The following LIPH variants were observed in gnomAD, a reference collection of about 807,000 sequenced individuals.
The protein encoded by LIPH is lipase member H.
Under a neutral mutation model 47.6 loss-of-function variants are expected in LIPH, and 32 were observed. The observed-to-expected ratio is 0.67, with a 90% CI of 0.51 to 0.90. The LOEUF (loss-of-function observed/expected upper bound fraction) is 0.90. Among genes scored for constraint, LIPH ranks in the 40% least tolerant of loss-of-function variants. LIPH has a pLI of 0.00. For synonymous variants in LIPH, 190 were observed against 195.6 expected (o/e 0.97, Z 0.24); for missense variants, 497 against 541.4 (o/e 0.92, Z 0.81).
intron 2 of LIPH, among the ~76,000 whole-genome samples, chr3:185,533,909 G>C (rs987128205): frequency 6.6e-6 from 1 of 152,210 alleles, no homozygotes; most frequent in Non-Finnish European, 1.5e-5. Context: ...GGCAGCTGGG[G>C]AGAGAGCAGA....
chr3:185,547,108 T>C, intron 1 of LIPH: 1 of 264,290 alleles, frequency 3.8e-6, no homozygotes, highest in South Asian at 3.5e-5. Context: ...ACCACTGCAC[T>C]CCAGCCTGGG....
At chr3:185,519,940 C>G (rs1326582066) in intron 5 of LIPH, among the ~76,000 whole-genome samples, 1 of 148,302 alleles carries the variant, frequency 6.7e-6, no homozygotes, top group South Asian at 2.2e-4. Flanking sequence ...AGATTGCCTG[C>G]ATCAAAATCG....
At chr3:185,514,166 G>A (rs1286769398) in intron 8 of LIPH, among the ~76,000 whole-genome samples, 1 of 151,840 alleles carries the variant, frequency 6.6e-6, no homozygotes, top group Non-Finnish European at 1.5e-5. Flanking sequence ...GAAGGAAAAA[G>A]GGAGGAAGCA....
intron 1 of LIPH, among the ~76,000 whole-genome samples, chr3:185,543,864 T>C (rs1720788399): frequency 2.0e-5 from 3 of 147,128 alleles, no homozygotes; most frequent in African/African-American, 5.2e-5. Flanking sequence ...TTTTTTTTTT[T>C]TGATGCACGG....
intron 9 of LIPH, among the ~76,000 whole-genome samples, chr3:185,510,207 C>G (rs1489399524): frequency 1.3e-5 from 2 of 152,118 alleles, no homozygotes; most frequent in Non-Finnish European, 2.9e-5. Context: ...CTTTGGCCTC[C>G]CAAGGTGCTG....
At chr3:185,528,393 G>A (rs139355242) in intron 3 of LIPH, among the ~76,000 whole-genome samples, 2 of 137,616 alleles carry the variant, frequency 1.5e-5, no homozygotes, top group African/African-American at 5.3e-5. Flanking sequence ...TTAGATGACC[G>A]AGAAACCTCA....
intron 6 of LIPH, among the ~76,000 whole-genome samples, chr3:185,517,528 C>T (rs919505456): frequency 1.3e-5 from 2 of 152,220 alleles, no homozygotes; most frequent in African/African-American, 4.8e-5. Context: ...AATAGCATCA[C>T]TCTTGAAAAC....
chr3:185,539,255 CTG>C, intron 1 of LIPH, among the ~76,000 whole-genome samples: 1 of 152,126 alleles, frequency 6.6e-6, no homozygotes, highest in Admixed American at 6.6e-5. Flanking sequence ...GCGTGAGCCA[CTG>C]TGCCCAGCCT....
At position 185,508,419 on chromosome 3, in the gene LIPH, G is replaced by A. The variant is rs995682815; in HGVS notation, c.*371C>T. On this transcript the variant is annotated 3_prime_UTR_variant, in exon 10 of 10. Transcript: ENST00000296252. Reference sequence around the variant, plus strand: ...ACGGAGAATGCAGAGTTGAGTCCACGGTGAGGCCTCCAGTCCGTCCTTCCC... The same window carrying A: ...ACGGAGAATGCAGAGTTGAGTCCACAGTGAGGCCTCCAGTCCGTCCTTCCC... 4 of 281,656 alleles carry A rather than the reference G, an allele frequency of 1.4e-5. No individual in the cohort carries two copies. Among genetic ancestry groups the A allele is most frequent in the East Asian group, 8.0e-5 (1 of 12,482 alleles). 17.4% of individuals were successfully genotyped at this position (281,656 alleles called of 1,614,324 possible).
intron 5 of LIPH, among the ~76,000 whole-genome samples, chr3:185,522,523 G>GGAAGAGAGGA (rs1719924482): frequency 6.8e-6 from 1 of 147,858 alleles, no homozygotes; most frequent in African/African-American, 2.5e-5. Flanking sequence ...AAGGAAGGAA[G>GGAAGAGAGGA]GGAAAGGAAG....
chr3:185,541,394 C>CTTTTTTTTTTTTTTTTT (rs11349854), intron 1 of LIPH, among the ~76,000 whole-genome samples: 1 of 130,816 alleles, frequency 7.6e-6, no homozygotes, highest in Non-Finnish European at 1.6e-5. Flanking sequence ...ATCTTTCTTT[C>CTTTTTTTTTTTTTTTTT]TTTTTTTTTT....
intron 4 of LIPH, among the ~76,000 whole-genome samples, chr3:185,525,650 A>G (rs1720047741): frequency 6.6e-6 from 1 of 152,158 alleles, no homozygotes; most frequent in African/African-American, 2.4e-5. Flanking sequence ...GACTTAAGGA[A>G]CTAACATGAC....
intron 1 of LIPH, chr3:185,546,781 G>C: frequency 2.8e-6 from 1 of 354,640 alleles, no homozygotes; most frequent in South Asian, 2.2e-5. Flanking sequence ...CTCCAGCCTG[G>C]GCAACAGAGT....
intron 9 of LIPH, 110 bp downstream of exon 9, chr3:185,511,414 C>A: frequency 9.8e-7 from 1 of 1,023,590 alleles, no homozygotes; most frequent in South Asian, 1.3e-5. Flanking sequence ...CCATCATGTC[C>A]CTCATTGTGA....
chr3:185,524,839 AG>A, intron 4 of LIPH, among the ~76,000 whole-genome samples: 1 of 152,312 alleles, frequency 6.6e-6, no homozygotes, highest in South Asian at 2.1e-4. Flanking sequence ...AATAGGATAC[AG>A]GAAAAAATGA....
intron 7 of LIPH, among the ~76,000 whole-genome samples, chr3:185,515,458 A>C (rs1302938937): frequency 2.0e-5 from 3 of 151,956 alleles, no homozygotes; most frequent in East Asian, 3.9e-4. Context: ...GTAGGTGCCA[A>C]ATCCTGGGCT....
intron 3 of LIPH, among the ~76,000 whole-genome samples, chr3:185,532,909 A>G (rs891266260): frequency 3.3e-5 from 5 of 151,980 alleles, no homozygotes; most frequent in African/African-American, 1.2e-4. Flanking sequence ...CCCTTTTTCC[A>G]TCCACTTCTA....
At chr3:185,533,021 G>A (rs375710884) in intron 3 of LIPH, among the ~76,000 whole-genome samples, 2 of 152,250 alleles carry the variant, frequency 1.3e-5, no homozygotes, top group African/African-American at 2.4e-5. Context: ...AGAGAGAGCC[G>A]CTGTGGAAAG....
intron 3 of LIPH, among the ~76,000 whole-genome samples, chr3:185,529,176 C>CAA (rs1173804674): frequency 0.37 from 20,174 of 53,814 alleles, 4,466 homozygotes; most frequent in Non-Finnish European, 0.43. Context: ...GACTCCGTCT[C>CAA]AAAAAAAAAA....
Sources: gnomAD v4.1 joint callset for allele counts (sites outside exome capture counted in the v4.1 genomes callset) on GRCh38, gnomAD v4.1.1 for gene constraint, MANE v1.5 for transcripts, NCBI Gene and HGNC (gene_info 2026-07-23, HGNC 2026-07-21) for gene names.